The following ZNF875 variants were observed in gnomAD, a reference collection of about 807,000 sequenced individuals.
ZNF875 encodes HKR1, GLI-Kruppel zinc finger family member.
A neutral mutation model predicts 11.2 loss-of-function variants in ZNF875; 14 were observed. The observed-to-expected ratio is 1.26, with a 90% CI of 0.83 to 1.96. ZNF875 has a LOEUF of 1.96. ZNF875 is among the 30% of genes most tolerant of loss of function. ZNF875 has a pLI of 0.00. For synonymous variants in ZNF875, 301 were observed against 281.1 expected (o/e 1.07, Z -0.71); for missense variants, 752 against 760.4 (o/e 0.99, Z 0.13).
At position 37,363,506 on chromosome 19, in the gene ZNF875, C is replaced by T. The variant is rs1431757506; in HGVS notation, c.1654C>T (p.His552Tyr). 1.2e-6 allele frequency: 2 copies of T among 1,612,740 alleles called. No individual in the cohort carries two copies. Among genetic ancestry groups the T allele is most frequent in the Non-Finnish European group, 1.7e-6 (2 of 1,179,290 alleles). ...RFRQKPNLFR[H>Y]KRAHSGAFVC... Reference sequence around the variant, plus strand: ...TCGGCAGAAGCCTAACCTGTTTAGGCACAAGAGGGCACACTCAGGTGCCTT... The same window carrying T: ...TCGGCAGAAGCCTAACCTGTTTAGGTACAAGAGGGCACACTCAGGTGCCTT... The change falls in exon 5 of 5, where the codon CAC becomes TAC. Residue 552 changes from histidine (H) to tyrosine (Y), a missense_variant. Physicochemically the swap from His to Tyr is moderately conservative, Grantham distance 83. Transcript: ENST00000392153.
chr19:37,340,826 T>C (rs903430147), intron 2 of ZNF875, among the ~76,000 whole-genome samples: 1 of 151,828 alleles, frequency 6.6e-6, no homozygotes, highest in Non-Finnish European at 1.5e-5. Flanking sequence ...TTTTTTGTAT[T>C]GTTAGTAGAG....
chr19:37,346,925 G>A (rs1009110165), intron 2 of ZNF875: 20 of 338,052 alleles, frequency 5.9e-5, no homozygotes, highest in South Asian at 4.2e-4. Flanking sequence ...GTGCAATGGC[G>A]CAATCTCGGC....
chr19:37,313,922 C>T (rs2030069977), upstream of ZNF875, among the ~76,000 whole-genome samples: 1 of 152,004 alleles, frequency 6.6e-6, no homozygotes, highest in South Asian at 2.1e-4. Flanking sequence ...TTATTGAGTC[C>T]TTGTCATACA....
upstream of ZNF875, among the ~76,000 whole-genome samples, chr19:37,333,902 C>CT (rs2033781083): frequency 1.3e-5 from 2 of 152,142 alleles, no homozygotes; most frequent in South Asian, 4.1e-4. Context: ...GCCTCCTTTC[C>CT]AACACCGCCC....
At chr19:37,358,137 T>A in intron 4 of ZNF875, 4 of 296,262 alleles carry the variant, frequency 1.4e-5, no homozygotes, top group Non-Finnish European at 2.4e-5. Context: ...GATGATCTTT[T>A]TTTTTTTTTT....
intron 4 of ZNF875, among the ~76,000 whole-genome samples, chr19:37,355,866 A>T (rs968534379): frequency 1.3e-5 from 2 of 152,090 alleles, no homozygotes; most frequent in African/African-American, 4.8e-5. Flanking sequence ...TGGGGCTTCT[A>T]TTGAACCTAT....
intron 4 of ZNF875, among the ~76,000 whole-genome samples, chr19:37,325,989 G>A (rs1393847785): frequency 6.6e-6 from 1 of 152,008 alleles, no homozygotes; most frequent in African/African-American, 2.4e-5. Flanking sequence ...GATTACACGC[G>A]TGAGCCACTG....
intron 2 of ZNF875, chr19:37,344,520 A>G: frequency 4.9e-6 from 3 of 615,268 alleles, no homozygotes. Flanking sequence ...ACTCCATCTT[A>G]CAAATGACGA....
upstream of ZNF875, among the ~76,000 whole-genome samples, chr19:37,316,367 ATTTG>A (rs1023983664): frequency 1.4e-4 from 21 of 152,132 alleles, no homozygotes; most frequent in African/African-American, 4.3e-4. Context: ...ATATTTATTT[ATTTG>A]TTTATTTATT....
intron 3 of ZNF875, chr19:37,324,183 A>G (rs2032021851): frequency 1.3e-5 from 2 of 152,212 alleles, no homozygotes; most frequent in Non-Finnish European, 2.9e-5. Context: ...CAGTCACTCT[A>G]AAATCCTCCC....
At chr19:37,358,773 CCT>C (rs1422858779) in intron 4 of ZNF875, 1 of 152,222 alleles carries the variant, frequency 6.6e-6, no homozygotes, top group Non-Finnish European at 1.5e-5. Context: ...CCCACCTTGG[CCT>C]CCCAAAGTGC....
At chr19:37,358,405 G>A (rs2039319768) in intron 4 of ZNF875, 1 of 153,630 alleles carries the variant, frequency 6.5e-6, no homozygotes, top group African/African-American at 2.4e-5. Context: ...AAAGTGCTAG[G>A]ATTACAAGCA....
At chr19:37,327,080 C>T (rs2032584462) in intron 4 of ZNF875, among the ~76,000 whole-genome samples, 1 of 151,878 alleles carries the variant, frequency 6.6e-6, no homozygotes, top group Non-Finnish European at 1.5e-5. Context: ...CAACCTCTGC[C>T]TCCTGGGTCC....
chr19:37,319,536 T>C (rs1458306335), intron 1 of ZNF875, among the ~76,000 whole-genome samples: 2 of 151,832 alleles, frequency 1.3e-5, no homozygotes, highest in Non-Finnish European at 1.5e-5. Context: ...GCCCCCACAT[T>C]GTTCATAGGC....
At chr19:37,319,369 A>ATATATATATATATATATATATAT (rs56256521) in intron 1 of ZNF875, among the ~76,000 whole-genome samples, 82 of 139,808 alleles carry the variant, frequency 5.9e-4, no homozygotes, top group African/African-American at 9.8e-4. Context: ...ATATATATAT[A>ATATATATATATATATATATATAT]ATAAAAATGG....
At chr19:37,329,490 C>T (rs2145804260) in intron 4 of ZNF875, among the ~76,000 whole-genome samples, 1 of 152,286 alleles carries the variant, frequency 6.6e-6, no homozygotes, top group South Asian at 2.1e-4. Flanking sequence ...TCCTCGTTGA[C>T]TTCACAGTGT....
chr19:37,331,583 C>T (rs999753935), upstream of ZNF875, among the ~76,000 whole-genome samples: 2 of 148,778 alleles, frequency 1.3e-5, no homozygotes, highest in East Asian at 2.1e-4. Context: ...GGATTAAGGG[C>T]GGTGCAAGAT....
At chr19:37,345,205 A>T (rs1239465028) in intron 2 of ZNF875, among the ~76,000 whole-genome samples, 5 of 152,164 alleles carry the variant, frequency 3.3e-5, no homozygotes, top group Admixed American at 6.5e-5. Context: ...CATAATTTAA[A>T]ACACCACCCA....
intron 4 of ZNF875, among the ~76,000 whole-genome samples, chr19:37,354,835 A>G (rs900813622): frequency 6.6e-6 from 1 of 152,194 alleles, no homozygotes; most frequent in Non-Finnish European, 1.5e-5. Flanking sequence ...GCCTCTTTGC[A>G]TGCACTTGCT....
Sources: gnomAD v4.1 joint callset for allele counts (sites outside exome capture counted in the v4.1 genomes callset) on GRCh38, gnomAD v4.1.1 for gene constraint, MANE v1.5 for transcripts, NCBI Gene and HGNC (gene_info 2026-07-23, HGNC 2026-07-21) for gene names.